Variants in FOCAD observed in about 807,000 individuals in gnomAD.
The protein encoded by FOCAD is focadhesin, also known as KIAA1797.
In FOCAD, 198 loss-of-function variants were observed where a neutral mutation model predicts 225.6. The observed-to-expected ratio is 0.88, with a 90% CI of 0.78 to 0.99. FOCAD has a LOEUF of 0.99. Among genes scored for constraint, FOCAD ranks in the 50% least tolerant of loss-of-function variants. FOCAD has a pLI of 0.00. For synonymous variants in FOCAD, 897 were observed against 755.0 expected (o/e 1.19, Z -3.08); for missense variants, 2,713 against 2,123.6 (o/e 1.28, Z -5.46).
At chr9:20,738,945 A>G (rs568500587) in intron 4 of FOCAD, among the ~76,000 whole-genome samples, 1 of 152,162 alleles carries the variant, frequency 6.6e-6, no homozygotes, top group Non-Finnish European at 1.5e-5. Flanking sequence ...TTTGTGTCCC[A>G]AAGTCTTTTA....
intron 1 of FOCAD, among the ~76,000 whole-genome samples, chr9:20,702,764 G>A (rs1452237254): frequency 6.6e-6 from 1 of 152,170 alleles, no homozygotes; most frequent in Non-Finnish European, 1.5e-5. Flanking sequence ...GTGGGAAATG[G>A]AGTTAATATT....
chr9:20,694,458 C>G (rs1823183940), intron 1 of FOCAD: 1 of 152,072 alleles, frequency 6.6e-6, no homozygotes, highest in Non-Finnish European at 1.5e-5. Flanking sequence ...ATGATACTCT[C>G]TATATGTCTC....
At chr9:20,920,257 A>C (rs1301931316) in intron 24 of FOCAD, among the ~76,000 whole-genome samples, 1 of 146,374 alleles carries the variant, frequency 6.8e-6, no homozygotes, top group African/African-American at 2.5e-5. Context: ...TCAAAACCAC[A>C]ATGAGATACC....
rs1226912184 is a variant in FOCAD at position 20,945,627 on chromosome 9, T to G, written c.3555+853T>G. ...TTTCCATTTTTAAAGCAGTGTAGAG[T>G]GTGATTTTAAAGTACGTATTTTTTT... On this transcript the variant is annotated intron_variant, in intron 29 of 43. Transcript: ENST00000338382. Among the ~76,000 whole-genome samples, 3 of 152,256 alleles carry G rather than the reference T, an allele frequency of 2.0e-5. No individual in the cohort carries two copies. The East Asian group carries it at 5.8e-4, about 29-fold the overall frequency.
chr9:20,897,053 T>C (rs1217138378), intron 21 of FOCAD: 1 of 151,858 alleles, frequency 6.6e-6, no homozygotes, highest in East Asian at 1.9e-4. Context: ...TATCAGGTTT[T>C]GCCTTATATA....
At chr9:20,805,023 T>C (rs997429507) in intron 11 of FOCAD, among the ~76,000 whole-genome samples, 5 of 152,210 alleles carry the variant, frequency 3.3e-5, no homozygotes, top group African/African-American at 1.2e-4. Context: ...TTTTGTAACA[T>C]GTCATGCATG....
At chr9:20,684,203 T>A (rs539266168), upstream of FOCAD, 22 of 152,328 alleles carry the variant, frequency 1.4e-4, no homozygotes, top group African/African-American at 5.3e-4. Context: ...CCATTGGCTC[T>A]CTCCTGCAGT....
intron 15 of FOCAD, among the ~76,000 whole-genome samples, chr9:20,827,702 T>C (rs1410856684): frequency 6.6e-6 from 1 of 152,026 alleles, no homozygotes; most frequent in Non-Finnish European, 1.5e-5. Context: ...AGAGCTCCGA[T>C]ACACAGAGAT....
chr9:20,687,687 G>A (rs1563877043), intron 1 of FOCAD, among the ~76,000 whole-genome samples: 1 of 152,158 alleles, frequency 6.6e-6, no homozygotes, highest in African/African-American at 2.4e-5. Flanking sequence ...GTTATTAAAG[G>A]TATTGTATTC....
chr9:20,770,627 C>A (rs533241383), intron 8 of FOCAD, among the ~76,000 whole-genome samples: 1 of 152,326 alleles, frequency 6.6e-6, no homozygotes, highest in African/African-American at 2.4e-5. Flanking sequence ...TACAATTTGA[C>A]ATGAGATTTG....
intron 28 of FOCAD, among the ~76,000 whole-genome samples, chr9:20,939,629 A>T (rs1244081042): frequency 1.3e-5 from 2 of 150,674 alleles, no homozygotes; most frequent in African/African-American, 4.9e-5. Flanking sequence ...TTTAAAATTT[A>T]TTTTTGTTAC....
At chr9:20,975,089 G>T (rs1840114187) in intron 35 of FOCAD, among the ~76,000 whole-genome samples, 1 of 151,938 alleles carries the variant, frequency 6.6e-6, no homozygotes, top group Non-Finnish European at 1.5e-5. Context: ...TGTTGATTCT[G>T]CTTCTCTTTC....
intron 29 of FOCAD, among the ~76,000 whole-genome samples, chr9:20,946,079 T>TCA (rs1837146328): frequency 3.1e-5 from 3 of 96,274 alleles, no homozygotes; most frequent in South Asian, 3.7e-4. Flanking sequence ...CATATTTTAT[T>TCA]TATTCATTCA....
intron 11 of FOCAD, among the ~76,000 whole-genome samples, chr9:20,819,076 G>T (rs552437106): frequency 3.9e-5 from 6 of 152,060 alleles, no homozygotes; most frequent in Non-Finnish European, 4.4e-5. Flanking sequence ...TTGTCCATTG[G>T]CTCCTTTATA....
intron 15 of FOCAD, among the ~76,000 whole-genome samples, chr9:20,844,712 A>G (rs1174761959): frequency 6.6e-6 from 1 of 152,076 alleles, no homozygotes; most frequent in Non-Finnish European, 1.5e-5. Context: ...GATGAAATCT[A>G]CAAAGCAGAG....
chr9:20,862,721 T>C lies in FOCAD; in HGVS notation c.2055+9T>C. 6.2e-7 allele frequency: 1 copy of C among 1,608,412 alleles called. No individual in the cohort carries two copies. On this transcript the variant is annotated intron_variant, in intron 16 of 43. Transcript: ENST00000338382. ...ATACAACTGAATATGAGGTATGCAT[T>C]TGGAGCTCAGCACATTGCCTGCTTC...
chr9:20,679,359 T>A (rs951675564), upstream of FOCAD, among the ~76,000 whole-genome samples: 2 of 152,258 alleles, frequency 1.3e-5, no homozygotes, highest in Admixed American at 6.5e-5. Flanking sequence ...ACTGAATTTC[T>A]CCTCCCAGTC....
At chr9:20,721,216 T>C (rs115357236) in intron 4 of FOCAD, among the ~76,000 whole-genome samples, 269 of 152,348 alleles carry the variant, frequency 1.8e-3, no homozygotes, top group African/African-American at 6.0e-3. Flanking sequence ...CTATATGTCC[T>C]AATTTTTGAC....
chr9:20,687,453 C>T (rs1432953085), intron 1 of FOCAD, among the ~76,000 whole-genome samples: 1 of 152,088 alleles, frequency 6.6e-6, no homozygotes, highest in Non-Finnish European at 1.5e-5. Flanking sequence ...GTGTATCTTT[C>T]CCTTCTCTCT....
Sources: allele counts gnomAD v4.1 joint callset (sites outside exome capture counted in the v4.1 genomes callset), GRCh38; gene constraint gnomAD v4.1.1; transcripts MANE v1.5; gene names NCBI Gene and HGNC (gene_info 2026-07-23, HGNC 2026-07-21).